The following IRGM variants were observed in gnomAD, a reference collection of about 807,000 sequenced individuals.
IRGM encodes immunity-related GTPase family M protein.
For missense variants in IRGM, 288 were observed against 219.9 expected (o/e 1.31, Z -1.96); for synonymous variants, 98 against 80.6 (o/e 1.22, Z -1.16).
chr5:150,857,561 C>G (rs1415614001), intron 1 of IRGM, among the ~76,000 whole-genome samples: 1 of 151,326 alleles, frequency 6.6e-6, no homozygotes, highest in Non-Finnish European at 1.5e-5. Flanking sequence ...TAAAAGTGTT[C>G]CTATTTCTCC....
chr5:150,859,796 C>T (rs921631075), intron 1 of IRGM, among the ~76,000 whole-genome samples: 5 of 151,978 alleles, frequency 3.3e-5, no homozygotes, highest in Admixed American at 6.6e-5. Flanking sequence ...TTTTTTATTG[C>T]ATCTATTTGA....
chr5:150,895,281 A>T, intron 3 of IRGM: 1 of 554,970 alleles, frequency 1.8e-6, no homozygotes, highest in Non-Finnish European at 3.1e-6. Flanking sequence ...TTGCTGGAAA[A>T]GTTAGGCATC....
At chr5:150,865,104 G>A (rs527569451) in intron 1 of IRGM, among the ~76,000 whole-genome samples, 2 of 152,260 alleles carry the variant, frequency 1.3e-5, no homozygotes, top group African/African-American at 4.8e-5. Flanking sequence ...ACATAAATTA[G>A]AAAGGGAATA....
rs928078178 is a variant in IRGM, at chr5:150,846,557, C to G, written c.-1079C>G. The G allele has an allele frequency of 2.6e-5, 4 of 151,712 alleles. No homozygotes were observed. The highest frequency in any genetic ancestry group is 3.1e-3 in the Middle Eastern group (1 of 320). The allele number at this position is 151,712 out of a possible 1,614,324, so 9.4% of individuals were successfully genotyped here. A position where few individuals can be genotyped will look rare whatever the true frequency, so the allele number is the denominator to read the frequency against. On this transcript the variant is annotated 5_prime_UTR_variant, in exon 1 of 2. Transcript: ENST00000522154. ...CAGGTCCCCTTCCATGCTGTGGAAG[C>G]TTTGTTTTTTTGCACTTTGCAGTAA...
chr5:150,868,721 G>T (rs567481492), intron 1 of IRGM, among the ~76,000 whole-genome samples: 2 of 151,806 alleles, frequency 1.3e-5, no homozygotes, highest in South Asian at 2.1e-4. Context: ...AGTGGGTTTT[G>T]TTGTTGTTTT....
intron 3 of IRGM, among the ~76,000 whole-genome samples, chr5:150,889,124 TA>T (rs1754568866): frequency 7.1e-6 from 1 of 140,308 alleles, no homozygotes; most frequent in Middle Eastern, 3.3e-3. Context: ...TATTAGTTGT[TA>T]GTATTTTTTT....
At chr5:150,878,715 G>T (rs1301383153) in intron 2 of IRGM, among the ~76,000 whole-genome samples, 1 of 151,602 alleles carries the variant, frequency 6.6e-6, no homozygotes, top group East Asian at 1.9e-4. Context: ...CTGTTATAAG[G>T]TCTATATAAT....
At chr5:150,873,483 G>A (rs1405789049) in intron 1 of IRGM, among the ~76,000 whole-genome samples, 1 of 152,182 alleles carries the variant, frequency 6.6e-6, no homozygotes, top group African/African-American at 2.4e-5. Context: ...ACTATGCACT[G>A]GGGAAAGGGA....
intron 3 of IRGM, among the ~76,000 whole-genome samples, chr5:150,881,594 T>C (rs1042089613): frequency 3.9e-5 from 6 of 152,206 alleles, no homozygotes; most frequent in Non-Finnish European, 8.8e-5. Flanking sequence ...AATACTATCA[T>C]GGTGGTGTGT....
At chr5:150,854,843 T>G (rs1754029265) in intron 1 of IRGM, among the ~76,000 whole-genome samples, 1 of 152,134 alleles carries the variant, frequency 6.6e-6, no homozygotes, top group South Asian at 2.1e-4. Context: ...TCCTCAAACT[T>G]GGGAAGCTTT....
At chr5:150,865,091 A>C (rs1369036242) in intron 1 of IRGM, among the ~76,000 whole-genome samples, 1 of 152,258 alleles carries the variant, frequency 6.6e-6, no homozygotes, top group Non-Finnish European at 1.5e-5. Context: ...GAGTAACATT[A>C]GAACATAAAT....
chr5:150,853,345 G>A (rs530928345), downstream of IRGM, among the ~76,000 whole-genome samples: 4 of 152,198 alleles, frequency 2.6e-5, no homozygotes, highest in East Asian at 3.9e-4. Context: ...GTGGCCTAAT[G>A]TATGGTCTCT....
chr5:150,878,030 T>A (rs769926875), exon 2 of IRGM: 1 of 458,940 alleles, frequency 2.2e-6, no homozygotes, highest in South Asian at 1.5e-5. Flanking sequence ...TACCTCTTGC[T>A]TGCTGAAAGG....
downstream of IRGM, among the ~76,000 whole-genome samples, chr5:150,850,752 C>T (rs557039189): frequency 6.3e-4 from 96 of 152,144 alleles, no homozygotes; most frequent in Non-Finnish European, 1.1e-3. Flanking sequence ...GACAAGGTCT[C>T]ACTATGTTGC....
chr5:150,857,518 T>C (rs979802983), intron 1 of IRGM, among the ~76,000 whole-genome samples: 7 of 151,990 alleles, frequency 4.6e-5, no homozygotes, highest in Non-Finnish European at 1.0e-4. Context: ...ACTTCCACAA[T>C]GGTTGAACTA....
chr5:150,861,806 G>T (rs1754140318), intron 1 of IRGM, among the ~76,000 whole-genome samples: 1 of 152,094 alleles, frequency 6.6e-6, no homozygotes, highest in African/African-American at 2.4e-5. Flanking sequence ...ATGAATATTT[G>T]CAAATATCCA....
Position 150,871,194 on chromosome 5 carries a change from T to C in IRGM, c.159-6786T>C, listed in dbSNP as rs1754278268. Among the ~76,000 whole-genome samples, 4 of 152,236 alleles carry C rather than the reference T, an allele frequency of 2.6e-5. No individual in the cohort carries two copies. In the South Asian group the frequency reaches 8.3e-4, roughly 31 times the overall value. ...TTTTCCACCATGACAGCCTGGATTT[T>C]GGTTCCTAAATCAAGTTCTTTCTGG... is the stretch of plus-strand genomic sequence containing the variant. On this transcript the variant is annotated intron_variant and NMD_transcript_variant, in intron 1 of 3. Coordinates refer to the IRGM transcript ENST00000520549.
intron 2 of IRGM, among the ~76,000 whole-genome samples, chr5:150,878,654 TC>T (rs1176922433): frequency 2.0e-5 from 3 of 152,130 alleles, no homozygotes; most frequent in African/African-American, 7.2e-5. Flanking sequence ...TGAAGGGTAT[TC>T]CCAATTCTGA....
At chr5:150,879,370 A>G (rs181012120) in intron 2 of IRGM, among the ~76,000 whole-genome samples, 1 of 152,336 alleles carries the variant, frequency 6.6e-6, no homozygotes, top group Admixed American at 6.5e-5. Flanking sequence ...TTGTTTTCAG[A>G]TTCTCTTTGC....
Sources: gnomAD v4.1 joint callset for allele counts (sites outside exome capture counted in the v4.1 genomes callset) on GRCh38, gnomAD v4.1.1 for gene constraint, MANE v1.5 for transcripts, NCBI Gene and HGNC (gene_info 2026-07-23, HGNC 2026-07-21) for gene names.